RNF125: variants seen among roughly 807,000 people sequenced by gnomAD.
The protein encoded by RNF125 is ring finger protein 125.
In RNF125, 21 loss-of-function variants were observed where a neutral mutation model predicts 26.0. The observed-to-expected ratio is 0.81, with a 90% CI of 0.57 to 1.16. The LOEUF is 1.16. Among genes scored for constraint, RNF125 ranks in the 50% most tolerant of loss-of-function variants. The pLI is 0.00. For missense variants in RNF125, 270 were observed against 299.4 expected, an observed-to-expected ratio of 0.90 and a Z score of 0.72; for synonymous variants, 95 against 109.2, an observed-to-expected ratio of 0.87 and a Z score of 0.81.
At chr18:32,068,133 G>A (rs557154887) in intron 5 of RNF125, among the ~76,000 whole-genome samples, 165 bp from the exon 6 acceptor site, 1 of 152,130 alleles carries the variant, frequency 6.6e-6, no homozygotes, top group Non-Finnish European at 1.5e-5. Context: ...AAATTCATTA[G>A]CCCCAAAGCA....
intron 1 of RNF125, among the ~76,000 whole-genome samples, chr18:32,035,921 G>A (rs919765745): frequency 6.6e-6 from 1 of 152,182 alleles, no homozygotes; most frequent in Non-Finnish European, 1.5e-5. Flanking sequence ...GGGAGGCTGA[G>A]GCAGGTGGAT....
At chr18:32,042,351 A>T in intron 3 of RNF125, 78 bp downstream of exon 3, 1 of 855,568 alleles carries the variant, frequency 1.2e-6, no homozygotes. Flanking sequence ...AAACTTTAAC[A>T]TTCTTATGAA....
chr18:32,036,988 T>A, intron 1 of RNF125, 128 bp from the exon 2 acceptor site: 1 of 772,342 alleles, frequency 1.3e-6, no homozygotes, highest in Non-Finnish European at 2.1e-6. Context: ...CAAGTGGACC[T>A]GTAATTTGGT....
At chr18:32,057,017 A>G (rs1369875165) in intron 4 of RNF125, among the ~76,000 whole-genome samples, 1 of 152,204 alleles carries the variant, frequency 6.6e-6, no homozygotes, top group Non-Finnish European at 1.5e-5. Flanking sequence ...CTCCCTCTCA[A>G]GGTGATAAGT....
chr18:32,038,144 G>A (rs767035430), intron 2 of RNF125, among the ~76,000 whole-genome samples: 12 of 150,800 alleles, frequency 8.0e-5, no homozygotes, highest in East Asian at 1.9e-4. Flanking sequence ...CGCCTCTCAG[G>A]TTCAAGTGAT....
At chr18:32,035,295 A>G (rs957641801) in intron 1 of RNF125, among the ~76,000 whole-genome samples, 8 of 152,234 alleles carry the variant, frequency 5.3e-5, no homozygotes, top group Admixed American at 5.2e-4. Context: ...GCTTATAGTA[A>G]TTTGATAACA....
intron 1 of RNF125, among the ~76,000 whole-genome samples, chr18:32,032,520 T>C (rs2039107522): frequency 6.6e-6 from 1 of 152,062 alleles, no homozygotes; most frequent in Non-Finnish European, 1.5e-5. Flanking sequence ...CTCAAGCACT[T>C]TCTATTTATG....
chr18:32,082,536 C>T, the RNF125 span, among the ~76,000 whole-genome samples: 2 of 152,260 alleles, frequency 1.3e-5, no homozygotes, highest in East Asian at 1.9e-4. Context: ...CCCAGGTAGT[C>T]GTCTTCACGC....
At chr18:32,061,006 A>G (rs2039429050) in intron 4 of RNF125, among the ~76,000 whole-genome samples, 1 of 152,194 alleles carries the variant, frequency 6.6e-6, no homozygotes, top group Non-Finnish European at 1.5e-5. Context: ...AAACAAAACA[A>G]AACAAAATCT....
the RNF125 span, among the ~76,000 whole-genome samples, chr18:32,085,373 C>CAGAGAGAGAGAGAGAGAGAGAG: frequency 7.0e-5 from 9 of 128,814 alleles, no homozygotes; most frequent in African/African-American, 2.5e-4. Flanking sequence ...CTGCCAGAAG[C>CAGAGAGAGAGAGAGAGAGAGAG]AGAGAGAGAG....
downstream of RNF125, among the ~76,000 whole-genome samples, chr18:32,077,692 T>C (rs947666800): frequency 1.3e-5 from 2 of 151,556 alleles, no homozygotes; most frequent in African/African-American, 2.4e-5. Context: ...AAGAAAAAAA[T>C]CATAATATTA....
intron 1 of RNF125, among the ~76,000 whole-genome samples, chr18:32,023,255 T>C (rs1011965992): frequency 2.0e-5 from 3 of 152,152 alleles, no homozygotes; most frequent in African/African-American, 7.2e-5. Context: ...CAGGTTCAAG[T>C]GACTGTCCCG....
At chr18:32,066,158 AG>A (rs532615084) in intron 5 of RNF125, 149 bp downstream of exon 5, 21 of 552,008 alleles carry the variant, frequency 3.8e-5, no homozygotes, top group South Asian at 3.5e-4. Flanking sequence ...TCATGAAAAT[AG>A]AATGTTTTGG....
the RNF125 span, among the ~76,000 whole-genome samples, chr18:32,087,246 G>A: frequency 1.5e-3 from 233 of 150,962 alleles, no homozygotes; most frequent in African/African-American, 4.5e-3. Context: ...CCACTCTTTC[G>A]GTTTCATTAA....
chr18:32,027,792 C>T (rs772845210), intron 1 of RNF125, among the ~76,000 whole-genome samples: 2 of 151,994 alleles, frequency 1.3e-5, no homozygotes, highest in Non-Finnish European at 2.9e-5. Flanking sequence ...AAAGCATACA[C>T]ATTTATTAAT....
At chr18:32,024,842 A>G (rs1285495457) in intron 1 of RNF125, among the ~76,000 whole-genome samples, 2 of 152,154 alleles carry the variant, frequency 1.3e-5, no homozygotes, top group African/African-American at 4.8e-5. Context: ...GCACTTTGGG[A>G]GGCCGAGGCA....
At chr18:32,037,021 G>A (rs549434363) in intron 1 of RNF125, 95 bp from the exon 2 acceptor site, 14 of 1,112,340 alleles carry the variant, frequency 1.3e-5, no homozygotes, top group Admixed American at 2.6e-5. Flanking sequence ...GGGGTACGAG[G>A]TGTCATTAAA....
At chr18:32,088,257 A>G in the RNF125 span, among the ~76,000 whole-genome samples, 1 of 152,348 alleles carries the variant, frequency 6.6e-6, no homozygotes, top group East Asian at 1.9e-4. Flanking sequence ...AACACTGCAC[A>G]TGGTAGCAAT....
intron 4 of RNF125, among the ~76,000 whole-genome samples, chr18:32,048,357 C>A (rs937587500): frequency 6.6e-6 from 1 of 151,148 alleles, no homozygotes; most frequent in Non-Finnish European, 1.5e-5. Context: ...ACCTGGGAGA[C>A]GGAGGTTGCA....
Sources: allele counts gnomAD v4.1 joint callset (sites outside exome capture counted in the v4.1 genomes callset), GRCh38; gene constraint gnomAD v4.1.1; transcripts MANE v1.5; gene names NCBI Gene and HGNC (gene_info 2026-07-23, HGNC 2026-07-21).